LRRC4B: variants seen among roughly 807,000 people sequenced by gnomAD.
LRRC4B encodes leucine-rich repeat-containing protein 4B.
LRRC4B carries 1 observed loss-of-function variant against 7.3 expected under a neutral mutation model. The ratio of observed to expected loss-of-function variants is 0.14; its 90% CI spans 0.05 to 0.65. LRRC4B has a LOEUF of 0.65. Among genes scored for constraint, LRRC4B ranks in the 30% least tolerant of loss-of-function variants. The pLI, the probability that LRRC4B is intolerant of heterozygous loss-of-function variation, is 0.84. For synonymous variants in LRRC4B, 500 were observed against 499.2 expected (o/e 1.00, Z -0.02); for missense variants, 730 against 1,041.6 (o/e 0.70, Z 4.12).
chr19:50,551,958 G>A (rs1214300058), intron 1 of LRRC4B, among the ~76,000 whole-genome samples: 1 of 150,070 alleles, frequency 6.7e-6, no homozygotes, highest in African/African-American at 2.5e-5. Flanking sequence ...CCTGGGGGAG[G>A]CCTCCCCCTC....
At chr19:50,544,360 A>C (rs894202447) in intron 2 of LRRC4B, among the ~76,000 whole-genome samples, 3 of 151,634 alleles carry the variant, frequency 2.0e-5, no homozygotes, top group African/African-American at 7.3e-5. Flanking sequence ...CAAAAAAATT[A>C]GCTGGGTGTG....
chr19:50,518,062 T>C lies in LRRC4B; in HGVS notation c.1651A>G (p.Lys551Glu), dbSNP rs1264818348. ...PAPRSSRPTE[K>E]AFTVPITDVT... The stretch of plus-strand genomic sequence containing the variant: ...TCCGTGATGGGCACCGTGAACGCCT[T>C]CTCCGTGGGCCGCGAGGAGCGCGGG... Residue 551 changes from lysine to glutamate, a missense_variant, in exon 3 of 3, where the codon AAG becomes GAG. Physicochemically the swap from Lys to Glu is moderately conservative, Grantham distance 56. This residue lies in a region of LRRC4B where 192 missense variants were observed against 228.6 expected (regional missense o/e 0.84). Transcript: ENST00000652263. The C allele has an allele frequency of 1.9e-6, 3 of 1,587,090 alleles. No homozygotes were observed. The highest frequency in any genetic ancestry group is 2.7e-5 in the African/African-American group (2 of 73,434).
chr19:50,518,627 A>G lies in LRRC4B; in HGVS notation c.1086T>C (p.Tyr362=), dbSNP rs748138983. 2.6e-5 allele frequency: 42 copies of G among 1,609,350 alleles called. No individual in the cohort carries two copies. Among genetic ancestry groups the G allele is most frequent in the Non-Finnish European group, 3.4e-5 (40 of 1,177,014 alleles). ...TGGGCGGCTCCACGATGACGGGCGC[A>G]TAGCAGGTGAAATGCGACTGGTCCA... ...GELDQSHFTC[Y]APVIVEPPTD... is the part of the protein sequence containing the mutation. Residue 362 remains tyrosine, a synonymous_variant, in exon 3 of 3, where the codon TAT becomes TAC. Transcript: ENST00000652263.
chr19:50,535,051 G>A (rs1477646161), intron 2 of LRRC4B, among the ~76,000 whole-genome samples: 2 of 151,798 alleles, frequency 1.3e-5, no homozygotes, highest in East Asian at 1.9e-4. Flanking sequence ...TGTATTTTTA[G>A]TAGAGACAGG....
In LRRC4B at chr19:50,517,515, C is replaced by T. The variant is rs1217928023; in HGVS notation, c.*56G>A. On this transcript the variant is annotated 3_prime_UTR_variant, in exon 3 of 3. Coordinates refer to ENST00000652263, the MANE Select transcript of LRRC4B (RefSeq NM_001080457.2). This position sits in a 1 kb window ranked among gnomAD's most constrained non-coding sequence, Gnocchi z 6.6. ...GGAGGGGTCCCGGTCAGGCTGCGCCCGGGCTGGGACCTGGGTGGGGGGCTC... is the reference window on the plus strand; with the variant it reads ...GGAGGGGTCCCGGTCAGGCTGCGCCTGGGCTGGGACCTGGGTGGGGGGCTC... 11 of 1,353,310 alleles carry T rather than the reference C, an allele frequency of 8.1e-6. No individual in the cohort carries two copies. Among genetic ancestry groups the T allele is most frequent in the South Asian group, 1.9e-5 (1 of 52,854 alleles). 83.8% of individuals were successfully genotyped at this position (1,353,310 alleles called of 1,614,324 possible).
At position 50,535,490 on chromosome 19, in the gene LRRC4B, A is replaced by G. The variant is rs74884221; in HGVS notation, c.297+13052T>C. ...CTCGGCCTGTTTTTATGTTTTGAAT[A>G]TAATGAGTCAATCACAAAAGTTTAG... On this transcript the variant is annotated intron_variant, in intron 2 of 2. Coordinates refer to ENST00000652263, the MANE Select transcript of LRRC4B (RefSeq NM_001080457.2). 3.9e-5 allele frequency among the ~76,000 whole-genome samples: 6 copies of G among 152,378 alleles called. No homozygotes were observed. In the East Asian group the frequency reaches 1.2e-3, roughly 29 times the overall value.
At chr19:50,546,203 C>G (rs542136879) in intron 2 of LRRC4B, among the ~76,000 whole-genome samples, 28 of 152,162 alleles carry the variant, frequency 1.8e-4, no homozygotes, top group Non-Finnish European at 3.5e-4. Context: ...AGCGTGGCAG[C>G]AGGCGCCTGT....
At chr19:50,528,050 T>C (rs954848319) in intron 2 of LRRC4B, among the ~76,000 whole-genome samples, 7 of 151,880 alleles carry the variant, frequency 4.6e-5, no homozygotes, top group African/African-American at 1.4e-4. Flanking sequence ...CCTCTCTCTC[T>C]CTCTTTCTTT....
Position 50,553,631 on chromosome 19 carries a change from T to G in LRRC4B, c.-35-4758A>C, listed in dbSNP as rs1305237552. 2.5e-4 allele frequency among the ~76,000 whole-genome samples: 38 copies of G among 152,172 alleles called. No homozygotes were observed. The highest frequency in any genetic ancestry group is 2.5e-3 in the Admixed American group (38 of 15,276). On this transcript the variant is annotated intron_variant, in intron 1 of 2. Transcript: ENST00000652263. This position sits in a 1 kb window ranked among gnomAD's most constrained non-coding sequence, Gnocchi z 4.2. ...AGCACCCCTATCCCTCTCCAGAACC[T>G]TCTCTGTTTCCTTTTTCTCCATGAC...
At chr19:50,545,721 C>CTTTT (rs532216155) in intron 2 of LRRC4B, among the ~76,000 whole-genome samples, 1 of 131,968 alleles carries the variant, frequency 7.6e-6, no homozygotes, top group East Asian at 2.4e-4. Context: ...AGAGTTATTA[C>CTTTT]TTTTTTTTTT....
intron 1 of LRRC4B, among the ~76,000 whole-genome samples, chr19:50,552,683 T>TCCATCCATCCACCCATCCATCCATCCAC (rs377729910): frequency 1.6e-5 from 2 of 121,354 alleles, no homozygotes; most frequent in African/African-American, 7.2e-5. Context: ...CATCCATCCA[T>TCCATCCATCCACCCATCCATCCATCCAC]CCATCCGTCC....
intron 1 of LRRC4B, among the ~76,000 whole-genome samples, chr19:50,564,849 C>T (rs988088111): frequency 1.7e-4 from 25 of 146,058 alleles, no homozygotes; most frequent in Admixed American, 1.3e-3. Context: ...GCCAGGGTTC[C>T]GGAAGGGACT....
At position 50,517,138 on chromosome 19, in the gene LRRC4B, T is replaced by G. The variant is rs1601364808; in HGVS notation, c.*433A>C. ...CTCTTCAGTTTTGAGGGCGGAGGAG[T>G]GGGAGGGAGGGACGGGCGTCAAACT... is the stretch of plus-strand genomic sequence containing the variant. On this transcript the variant is annotated 3_prime_UTR_variant, in exon 3 of 3. Coordinates refer to ENST00000652263, the MANE Select transcript of LRRC4B (RefSeq NM_001080457.2). This position sits in a 1 kb window ranked among gnomAD's most constrained non-coding sequence, Gnocchi z 6.6. 4.2e-5 allele frequency: 6 copies of G among 141,630 alleles called. No homozygotes were observed. The highest frequency in any genetic ancestry group is 8.0e-5 in the African/African-American group (3 of 37,350). 8.8% of individuals were successfully genotyped at this position (141,630 alleles called of 1,614,324 possible). A position where few individuals can be genotyped will look rare whatever the true frequency, so the allele number is the denominator to read the frequency against.
chr19:50,545,408 CAAA>C (rs58857784), intron 2 of LRRC4B, among the ~76,000 whole-genome samples: 4 of 78,740 alleles, frequency 5.1e-5, no homozygotes, highest in African/African-American at 4.9e-5. Context: ...AACTCCATCT[CAAA>C]AAAAAAAAAA....
At position 50,517,794 on chromosome 19, in the gene LRRC4B, C is replaced by G. The variant is rs1210358050; in HGVS notation, c.1919G>C (p.Ser640Thr). The G allele has an allele frequency of 2.0e-6, 3 of 1,534,068 alleles. No individual in the cohort carries two copies. The highest frequency in any genetic ancestry group is 2.8e-5 in the African/African-American group (2 of 71,182). Residue 640 changes from serine (S) to threonine (T), a missense_variant, in exon 3 of 3, where the codon AGT (serine) becomes ACT (threonine). Coordinates refer to ENST00000652263, the MANE Select transcript of LRRC4B (RefSeq NM_001080457.2). This position sits in a 1 kb window ranked among gnomAD's most constrained non-coding sequence, Gnocchi z 6.6. ...VSVAAAAAVA[S>T]GGGVGGDSHL... ...GCTGTCCCCGCCCACACCACCCCCA[C>G]TGGCCACGGCGGCCGCGGCGGCCAC...
rs141286051 is a variant in LRRC4B, at chr19:50,556,883, C to T, written c.-35-8010G>A. On this transcript the variant is annotated intron_variant, in intron 1 of 2. Coordinates refer to ENST00000652263, the MANE Select transcript of LRRC4B (RefSeq NM_001080457.2). This position sits in a 1 kb window ranked among gnomAD's most constrained non-coding sequence, Gnocchi z 4.2. ...GGCGGGCACAGGGTGGGCCCCGGAA[C>T]GTCCAGGAGGGAAGCCGGGAGGAGG... is the stretch of plus-strand genomic sequence containing the variant. Among the ~76,000 whole-genome samples the T allele has an allele frequency of 7.4e-3, 1,119 of 151,494 alleles. 4 individuals carry two copies. Among genetic ancestry groups the T allele is most frequent in the Non-Finnish European group, 0.01 (705 of 67,904 alleles).
rs777037447 is a variant in LRRC4B, at chr19:50,518,819, C to T, written c.894G>A (p.Thr298=). 3.1e-6 allele frequency: 5 copies of T among 1,613,972 alleles called. No individual in the cohort carries two copies. Among genetic ancestry groups the T allele is most frequent in the South Asian group, 1.1e-5 (1 of 91,076 alleles). The change falls in exon 3 of 3, where the codon ACG becomes ACA. Residue 298 remains threonine (T), a synonymous_variant. Transcript: ENST00000652263. ...NLMSLPHDLF[T]PLHRLERVHL... is the part of the protein sequence containing the mutation. The stretch of plus-strand genomic sequence containing the variant: ...GCACGCGCTCGAGGCGGTGCAGGGG[C>T]GTGAAGAGGTCGTGGGGCAGCGACA...
intron 2 of LRRC4B, among the ~76,000 whole-genome samples, chr19:50,523,616 TC>T (rs1322641253): frequency 6.9e-6 from 1 of 144,986 alleles, no homozygotes; most frequent in Non-Finnish European, 1.5e-5. Context: ...TGAGCCGAGA[TC>T]GCGCCACTGC....
Position 50,537,288 on chromosome 19 carries a change from T to C in LRRC4B, c.297+11254A>G, listed in dbSNP as rs1298821877. Among the ~76,000 whole-genome samples the C allele has an allele frequency of 6.6e-6, 1 of 152,174 alleles. No homozygotes were observed. The highest frequency in any genetic ancestry group is 1.5e-5 in the Non-Finnish European group (1 of 68,022). On this transcript the variant is annotated intron_variant, in intron 2 of 2. Transcript: ENST00000652263. The surrounding 1 kb of genome is among the most constrained non-coding windows in gnomAD (Gnocchi z 5.5). ...ACTCTCCTATGCCTCAGTTTCCTCA[T>C]CTGTAACATGAGAAGAATAGGACCT...
Sources: allele counts gnomAD v4.1 joint callset (sites outside exome capture counted in the v4.1 genomes callset), GRCh38; gene constraint gnomAD v4.1.1; regional missense constraint gnomAD v4.1.1; non-coding constraint Gnocchi (gnomAD v3.1); transcripts MANE v1.5; gene names NCBI Gene and HGNC (gene_info 2026-07-23, HGNC 2026-07-21).